VPS13C: variants seen among roughly 807,000 people sequenced by gnomAD.
The protein encoded by VPS13C is intermembrane lipid transfer protein VPS13C.
In VPS13C, 358 loss-of-function variants were observed where a neutral mutation model predicts 456.8. The ratio of observed to expected loss-of-function variants is 0.78; its 90% CI spans 0.72 to 0.86. The LOEUF is 0.86. Among genes scored for constraint, VPS13C ranks in the 40% least tolerant of loss-of-function variants. The probability of loss-of-function intolerance (pLI) is 0.00; values close to 1 mark genes in which losing one functional copy is unlikely to be tolerated. For synonymous variants in VPS13C, 1,578 were observed against 1,486.7 expected (o/e 1.06, Z -1.41); for missense variants, 4,818 against 4,385.4 (o/e 1.10, Z -2.79).
intron 10 of VPS13C, among the ~76,000 whole-genome samples, 173 bp downstream of exon 10, chr15:62,013,760 T>G (rs960928488): frequency 6.6e-6 from 1 of 152,002 alleles, no homozygotes. Context: ...AACCTATATC[T>G]CAGAACTGGT....
At chr15:61,967,159 G>C (rs2045402000) in intron 29 of VPS13C, among the ~76,000 whole-genome samples, 1 of 151,838 alleles carries the variant, frequency 6.6e-6, no homozygotes, top group Non-Finnish European at 1.5e-5. Context: ...CCATCTCTGG[G>C]AACAAGAAGT....
intron 66 of VPS13C, among the ~76,000 whole-genome samples, chr15:61,904,100 G>T (rs1344755889): frequency 1.3e-5 from 2 of 152,038 alleles, no homozygotes; most frequent in Non-Finnish European, 2.9e-5. Context: ...CACCTCAAAA[G>T]CACAATCAAC....
At position 61,969,331 on chromosome 15, in the gene VPS13C, T is replaced by C. The variant is rs767882591; in HGVS notation, c.2879A>G (p.Lys960Arg). Residue 960 changes from lysine (K) to arginine (R), a missense_variant, in exon 28 of 85, where the codon AAG becomes AGG. Coordinates refer to ENST00000644861, the MANE Select transcript of VPS13C (RefSeq NM_020821.3). ...TTCATGATAATCCAAGCTGATTTTCTTTAAATAAGATACCACAGTTAAGTC... is the reference window on the plus strand; with the variant it reads ...TTCATGATAATCCAAGCTGATTTTCCTTAAATAAGATACCACAGTTAAGTC... ...TFDLTVVSYLKKISLDYHEIE... is the reference protein window; with the variant it reads ...TFDLTVVSYLRKISLDYHEIE... 1 of 1,602,076 alleles carries C rather than the reference T, an allele frequency of 6.2e-7. No individual in the cohort carries two copies. Among genetic ancestry groups the C allele is most frequent in the Non-Finnish European group, 8.5e-7 (1 of 1,175,170 alleles).
intron 65 of VPS13C, 76 bp downstream of exon 65, chr15:61,908,916 A>G (rs2043220012): frequency 1.3e-6 from 2 of 1,528,662 alleles, no homozygotes; most frequent in South Asian, 2.5e-5. Flanking sequence ...AACATTTTGA[A>G]TATGAAACCA....
intron 66 of VPS13C, among the ~76,000 whole-genome samples, chr15:61,902,411 C>G (rs1231268148): frequency 6.6e-6 from 1 of 151,630 alleles, no homozygotes; most frequent in Non-Finnish European, 1.5e-5. Flanking sequence ...TAACCTATTA[C>G]TAAAACCAGA....
chr15:62,022,833 T>C (rs1176585129), intron 8 of VPS13C, among the ~76,000 whole-genome samples: 1 of 151,976 alleles, frequency 6.6e-6, no homozygotes, highest in Non-Finnish European at 1.5e-5. Flanking sequence ...GTTCAAAATA[T>C]GTGTTGTATG....
intron 21 of VPS13C, 72 bp downstream of exon 21, chr15:61,982,387 A>G: frequency 9.2e-7 from 1 of 1,083,116 alleles, no homozygotes; most frequent in Admixed American, 2.3e-5. Context: ...TATTTTGAAT[A>G]CAATGTTTAC....
Position 61,867,227 on chromosome 15 carries a change from C to A in VPS13C, c.10863+1432G>T. The A allele has an allele frequency of 1.0e-6, 1 of 981,792 alleles. No individual in the cohort carries two copies. The highest frequency in any genetic ancestry group is 1.2e-6 in the Non-Finnish European group (1 of 826,822). The allele number at this position is 981,792 out of a possible 1,614,324, so 60.8% of individuals were successfully genotyped here. On this transcript the variant is annotated intron_variant, in intron 81 of 84. Transcript: ENST00000644861. This position sits in a 1 kb window ranked among gnomAD's most constrained non-coding sequence, Gnocchi z 5.0. ...ATAATTATGAAATAAGCATAACCAA[C>A]AAGGAGATTCAATTTTTGAAAAGCA...
chr15:61,855,041 C>A, intron 83 of VPS13C, 87 bp from the exon 84 acceptor site: 1 of 1,066,902 alleles, frequency 9.4e-7, no homozygotes, highest in South Asian at 1.7e-5. Context: ...TAAATGTCAA[C>A]TCTATCTTAT....
At chr15:61,978,072 T>A (rs1401095079) in intron 23 of VPS13C, among the ~76,000 whole-genome samples, 5 of 151,968 alleles carry the variant, frequency 3.3e-5, no homozygotes, top group African/African-American at 4.8e-5. Context: ...AACAAAAATA[T>A]TTACGTAAGC....
Position 61,858,677 on chromosome 15 carries a change from T to C in VPS13C, c.10953-2268A>G, listed in dbSNP as rs952414917. Among the ~76,000 whole-genome samples the C allele has an allele frequency of 1.3e-5, 2 of 152,214 alleles. No homozygotes were observed. Among genetic ancestry groups the C allele is most frequent in the African/African-American group, 2.4e-5 (1 of 41,456 alleles). ...TGTAGGTGGGCCTGACCTAAGTTCATGGACTATAAATCTGCGTAAGAGACC... is the reference window on the plus strand; with the variant it reads ...TGTAGGTGGGCCTGACCTAAGTTCACGGACTATAAATCTGCGTAAGAGACC... On this transcript the variant is annotated intron_variant, in intron 82 of 84. Coordinates refer to ENST00000644861, the MANE Select transcript of VPS13C (RefSeq NM_020821.3). The surrounding 1 kb of genome is among the most constrained non-coding windows in gnomAD (Gnocchi z 4.4).
intron 49 of VPS13C, 104 bp from the exon 50 acceptor site, chr15:61,931,363 T>C: frequency 8.3e-7 from 1 of 1,210,654 alleles, no homozygotes; most frequent in South Asian, 1.8e-5. Flanking sequence ...ACTGATCTCA[T>C]GAATTTTAAA....
intron 48 of VPS13C, chr15:61,935,384 C>T (rs756106891): frequency 1.3e-5 from 2 of 152,206 alleles, no homozygotes; most frequent in African/African-American, 2.4e-5. Flanking sequence ...ACTTTAACCA[C>T]GTAAGCCTTC....
intron 66 of VPS13C, among the ~76,000 whole-genome samples, chr15:61,905,113 T>C (rs147553066): frequency 1.3e-5 from 2 of 152,200 alleles, no homozygotes; most frequent in African/African-American, 4.8e-5. Context: ...TAGCTCAAAA[T>C]TGCTAGAAGA....
Position 61,875,761 on chromosome 15 carries a change from C to A in VPS13C, c.10309G>T (p.Val3437Phe). 2 of 1,610,980 alleles carry A rather than the reference C, an allele frequency of 1.2e-6. No individual in the cohort carries two copies. The highest frequency in any genetic ancestry group is 1.7e-6 in the Non-Finnish European group (2 of 1,178,590). ...AAGGGTTCATAGAATAAAGCTTCAA[C>A]TCCTTCAGACAGACCTCTAATTAAT... ...FGLIRGLSEG[V>F]EALFYEPFQG... Residue 3437 changes from valine (V) to phenylalanine (F), a missense_variant, in exon 76 of 85, where the codon GTT becomes TTT. By Grantham distance (50) the Val-to-Phe change is conservative. Transcript: ENST00000644861.
chr15:61,982,912 T>C (rs1261187068), intron 20 of VPS13C, among the ~76,000 whole-genome samples: 1 of 152,172 alleles, frequency 6.6e-6, no homozygotes, highest in Non-Finnish European at 1.5e-5. Context: ...TTAGATTCCC[T>C]TGCACTTTGA....
intron 81 of VPS13C, chr15:61,865,598 ATATG>A (rs1165726523): frequency 2.4e-5 from 15 of 615,850 alleles, no homozygotes; most frequent in Middle Eastern, 1.7e-3. Context: ...GTGTGTGTAT[ATATG>A]TATGTGTATA....
intron 12 of VPS13C, among the ~76,000 whole-genome samples, 180 bp downstream of exon 12, chr15:62,011,927 G>T (rs1171730939): frequency 1.3e-5 from 2 of 151,882 alleles, no homozygotes; most frequent in Admixed American, 1.3e-4. Context: ...TTCTCCAGTG[G>T]TGTGTGTTAC....
chr15:61,985,008 A>G lies in VPS13C; in HGVS notation c.1579-9T>C. 7.1e-7 allele frequency: 1 copy of G among 1,412,242 alleles called. No individual in the cohort carries two copies. Among genetic ancestry groups the G allele is most frequent in the South Asian group, 1.8e-5 (1 of 56,760 alleles). The allele number at this position is 1,412,242 out of a possible 1,614,324, so 87.5% of individuals were successfully genotyped here. Reference sequence around the variant, plus strand: ...ATAATATGGGCAACATACTATACAGAAAGAATGAAATTAAAATTGTTAAAG... The same window carrying G: ...ATAATATGGGCAACATACTATACAGGAAGAATGAAATTAAAATTGTTAAAG... On this transcript the variant is annotated splice_polypyrimidine_tract_variant and intron_variant, in intron 18 of 84. Transcript: ENST00000644861.
Sources: gnomAD v4.1 joint callset for allele counts (sites outside exome capture counted in the v4.1 genomes callset) on GRCh38, gnomAD v4.1.1 for gene constraint, Gnocchi (gnomAD v3.1) non-coding constraint, MANE v1.5 for transcripts, NCBI Gene and HGNC (gene_info 2026-07-23, HGNC 2026-07-21) for gene names.